PDCD6IP: variants seen among roughly 807,000 people sequenced by gnomAD.
The protein encoded by PDCD6IP is programmed cell death 6-interacting protein.
A neutral mutation model predicts 103.7 loss-of-function variants in PDCD6IP; 43 were observed. The ratio of observed to expected loss-of-function variants is 0.41; its 90% CI spans 0.32 to 0.53. PDCD6IP has a LOEUF of 0.53. Among genes scored for constraint, PDCD6IP ranks in the 20% least tolerant of loss-of-function variants. PDCD6IP has a pLI of 0.16. For synonymous variants in PDCD6IP, 354 were observed against 378.7 expected, an observed-to-expected ratio of 0.93 and a Z score of 0.76; for missense variants, 871 against 1,036.7, an observed-to-expected ratio of 0.84 and a Z score of 2.20.
In PDCD6IP at chr3:33,852,616, A is replaced by G; in HGVS notation, c.1770A>G (p.Gln590=). The part of the protein sequence containing the change: ...MTSKFLTALA[Q]DGVINEEALS... ...GCAAGTTTTTGACAGCCCTGGCTCA[A>G]GATGGTGTGATAAATGAAGAAGCTC... is the stretch of plus-strand genomic sequence containing the variant. The change falls in exon 13 of 18, where the codon CAA becomes CAG. Residue 590 remains glutamine, a synonymous_variant. Coordinates refer to ENST00000307296, the MANE Select transcript of PDCD6IP (RefSeq NM_013374.6). 6.2e-7 allele frequency: 1 copy of G among 1,605,318 alleles called. No homozygotes were observed. The highest frequency in any genetic ancestry group is 8.5e-7 in the Non-Finnish European group (1 of 1,177,672).
chr3:33,851,968 A>G (rs1428713901), intron 12 of PDCD6IP, among the ~76,000 whole-genome samples: 1 of 152,178 alleles, frequency 6.6e-6, no homozygotes, highest in African/African-American at 2.4e-5. Flanking sequence ...AAAATAGGAT[A>G]TCTACTTACC....
chr3:33,798,881 C>T lies in PDCD6IP; in HGVS notation c.153C>T (p.Arg51=). The part of the protein sequence containing the change: ...RAAEELSKLR[R]AAVGRPLDKH... ...CGGAGGAGCTCAGCAAGCTGCGCCG[C>T]GCCGCAGTCGGTCGTCCGCTGGACA... Residue 51 remains arginine (R), a synonymous_variant, in exon 1 of 18, where the codon CGC becomes CGT. Transcript: ENST00000307296. 6.5e-7 allele frequency: 1 copy of T among 1,548,616 alleles called. No individual in the cohort carries two copies. The highest frequency in any genetic ancestry group is 8.7e-7 in the Non-Finnish European group (1 of 1,145,312).
rs1698135776 is a variant in PDCD6IP, at chr3:33,869,294, T to C, written c.*2769T>C. The C allele has an allele frequency of 1.3e-5, 2 of 152,226 alleles. No individual in the cohort carries two copies. The highest frequency in any genetic ancestry group is 4.8e-5 in the African/African-American group (2 of 41,454). The allele number at this position is 152,226 out of a possible 1,614,324, so 9.4% of individuals were successfully genotyped here. ...AATTTTCAGCATCTCTTGAAGAATC[T>C]TGCTACAGCCAAATGGCATCTCACT... On this transcript the variant is annotated 3_prime_UTR_variant, in exon 18 of 18. Transcript: ENST00000307296.
At chr3:33,865,601 G>A (rs991410328) in intron 17 of PDCD6IP, among the ~76,000 whole-genome samples, 171 bp downstream of exon 17, 1 of 152,154 alleles carries the variant, frequency 6.6e-6, no homozygotes, top group Non-Finnish European at 1.5e-5. Context: ...TACATGAATA[G>A]GATAGCTATT....
chr3:33,818,850 T>A (rs1267408544), intron 3 of PDCD6IP, among the ~76,000 whole-genome samples: 3 of 152,160 alleles, frequency 2.0e-5, no homozygotes, highest in Non-Finnish European at 4.4e-5. Flanking sequence ...GTGTTACTGA[T>A]GAAAAGTCTG....
rs757438611 is a variant in PDCD6IP, at chr3:33,836,016, T to TTA, written c.835-27_835-26insAT. 30 of 1,199,874 alleles carry TTA rather than the reference T, an allele frequency of 2.5e-5. No individual in the cohort carries two copies. The South Asian group carries it at 4.2e-4, about 17-fold the overall frequency. The allele number at this position is 1,199,874 out of a possible 1,614,324, so 74.3% of individuals were successfully genotyped here. A position where few individuals can be genotyped will look rare whatever the true frequency, so the allele number is the denominator to read the frequency against. On this transcript the variant is annotated intron_variant, in intron 7 of 17. Coordinates refer to ENST00000307296, the MANE Select transcript of PDCD6IP (RefSeq NM_013374.6). ...AATAAAATCACCTCCCTCTTTTTTT[T>TTA]TTTTGTTGTTGACGTTTTTCTTTTT...
At chr3:33,856,853 T>C (rs1697840624) in intron 15 of PDCD6IP, among the ~76,000 whole-genome samples, 1 of 152,168 alleles carries the variant, frequency 6.6e-6, no homozygotes, top group Admixed American at 6.5e-5. Context: ...TTATATCATA[T>C]AGTAAATACA....
In PDCD6IP at chr3:33,856,538, GATAGAACAGTTATTTAACGTTCTGTAA is replaced by G. The variant is rs1482759943; in HGVS notation, c.2120+1280_2120+1306del. Among the ~76,000 whole-genome samples, 4 of 152,238 alleles carry G rather than the reference GATAGAACAGTTATTTAACGTTCTGTAA, an allele frequency of 2.6e-5. No individual in the cohort carries two copies. The East Asian group carries it at 7.7e-4, about 29-fold the overall frequency. ...TGAATTTCTCTCAGAAGAAAAACCA[GATAGAACAGTTATTTAACGTTCTGTAA>G]ACAGAACACTTATTTAATGATACTC... On this transcript the variant is annotated intron_variant, in intron 15 of 17. Coordinates refer to ENST00000307296, the MANE Select transcript of PDCD6IP (RefSeq NM_013374.6).
At position 33,844,225 on chromosome 3, in the gene PDCD6IP, T is replaced by TA. The variant is rs1697541932; in HGVS notation, c.1471+7dup. 2.0e-6 allele frequency: 3 copies of TA among 1,480,206 alleles called. No individual in the cohort carries two copies. Among genetic ancestry groups the TA allele is most frequent in the African/African-American group, 1.4e-5 (1 of 69,012 alleles). The allele number at this position is 1,480,206 out of a possible 1,614,324, so 91.7% of individuals were successfully genotyped here. ...AACTGTATAAGCCTTTAAGAGCAGG[T>TA]AAAAATGTGTATAAATGACCTTCAT... On this transcript the variant is annotated splice_region_variant and intron_variant, in intron 11 of 17. Transcript: ENST00000307296.
At chr3:33,821,931 T>G (rs754638906) in intron 3 of PDCD6IP, 24 bp from the exon 4 acceptor site, 2 of 1,597,758 alleles carry the variant, frequency 1.3e-6, no homozygotes, top group Middle Eastern at 1.7e-4. Flanking sequence ...ATCTGATGAA[T>G]TTTTCCTTCT....
chr3:33,829,970 T>A lies in PDCD6IP; in HGVS notation c.834+1001T>A, dbSNP rs559771264. Among the ~76,000 whole-genome samples the A allele has an allele frequency of 1.1e-4, 16 of 152,270 alleles. No individual in the cohort carries two copies. In the East Asian group the frequency reaches 3.1e-3, roughly 29 times the overall value. ...GAGCCAAACTGCTCAATGAAGCCCC[T>A]CTCTTGGTAACTAACCCTCTCCCAT... On this transcript the variant is annotated intron_variant, in intron 7 of 17. Coordinates refer to ENST00000307296, the MANE Select transcript of PDCD6IP (RefSeq NM_013374.6).
intron 15 of PDCD6IP, among the ~76,000 whole-genome samples, chr3:33,857,545 A>G (rs1697856234): frequency 6.6e-6 from 1 of 152,242 alleles, no homozygotes; most frequent in African/African-American, 2.4e-5. Flanking sequence ...AGTTTCAGTT[A>G]TGAATATGGA....
chr3:33,804,633 T>C (rs1696551178), intron 1 of PDCD6IP, among the ~76,000 whole-genome samples: 2 of 152,368 alleles, frequency 1.3e-5, no homozygotes, highest in Non-Finnish European at 2.9e-5. Flanking sequence ...TAGTAAATCT[T>C]ATCAGGACTA....
chr3:33,828,818 T>C (rs562266744), intron 6 of PDCD6IP, 35 bp from the exon 7 acceptor site: 9 of 1,610,326 alleles, frequency 5.6e-6, no homozygotes, highest in Admixed American at 5.0e-5. Context: ...GTTTGTGTGG[T>C]TGGACTCTCC....
rs996809761 is a variant in PDCD6IP at position 33,856,225 on chromosome 3, G to C, written c.2120+965G>C. Among the ~76,000 whole-genome samples the C allele has an allele frequency of 2.4e-4, 36 of 152,176 alleles. 1 individual carries two copies. The highest frequency in any genetic ancestry group is 8.0e-4 in the African/African-American group (33 of 41,458). On this transcript the variant is annotated intron_variant, in intron 15 of 17. Transcript: ENST00000307296. ...ATTGTCTTCCATGAGACCGGTCCCTGGTGCCAAAAAGGTTGGGGACTGCTC... is the reference window on the plus strand; with the variant it reads ...ATTGTCTTCCATGAGACCGGTCCCTCGTGCCAAAAAGGTTGGGGACTGCTC...
chr3:33,857,810 G>GTATA (rs1697862243), intron 15 of PDCD6IP, among the ~76,000 whole-genome samples: 1 of 152,148 alleles, frequency 6.6e-6, no homozygotes, highest in Non-Finnish European at 1.5e-5. Flanking sequence ...GTATGTGTGT[G>GTATA]TATATATTTC....
intron 3 of PDCD6IP, among the ~76,000 whole-genome samples, chr3:33,814,871 C>A (rs1696810433): frequency 7.0e-6 from 1 of 143,548 alleles, no homozygotes; most frequent in African/African-American, 2.5e-5. Context: ...TATGTATATA[C>A]ATATATACAT....
At chr3:33,820,636 C>G (rs1021683412) in intron 3 of PDCD6IP, among the ~76,000 whole-genome samples, 1 of 152,184 alleles carries the variant, frequency 6.6e-6, no homozygotes. Context: ...CTAGGTAACT[C>G]ATATAAGTGG....
At chr3:33,860,410 G>A (rs1314021777) in intron 15 of PDCD6IP, among the ~76,000 whole-genome samples, 1 of 152,104 alleles carries the variant, frequency 6.6e-6, no homozygotes, top group Non-Finnish European at 1.5e-5. Context: ...AATGTATACC[G>A]GAAAAGTATA....
Sources: allele counts gnomAD v4.1 joint callset (sites outside exome capture counted in the v4.1 genomes callset), GRCh38; gene constraint gnomAD v4.1.1; transcripts MANE v1.5; gene names NCBI Gene and HGNC (gene_info 2026-07-23, HGNC 2026-07-21).